The following GFOD1 variants were observed in gnomAD, a reference collection of about 807,000 sequenced individuals.
GFOD1 encodes the protein glucose-fructose oxidoreductase domain-containing protein 1.
GFOD1 carries 9 observed loss-of-function variants against 25.4 expected under a neutral mutation model. That is an observed-to-expected ratio of 0.35 (90% confidence interval 0.21 to 0.62). The LOEUF is 0.62. Ranked by LOEUF, GFOD1 falls within the 20% of genes least tolerant of loss-of-function variation. The pLI is 0.72. For missense variants in GFOD1, 403 were observed against 556.9 expected (o/e 0.72, Z 2.78); for synonymous variants, 253 against 245.6 (o/e 1.03, Z -0.28).
At chr6:13,424,850 A>G (rs1445800844) in intron 1 of GFOD1, among the ~76,000 whole-genome samples, 1 of 152,158 alleles carries the variant, frequency 6.6e-6, no homozygotes, top group Admixed American at 6.5e-5. Context: ...TCATATAAAC[A>G]TTATAATAAT....
intron 1 of GFOD1, among the ~76,000 whole-genome samples, chr6:13,432,886 CAG>C (rs780669030): frequency 2.0e-5 from 3 of 152,186 alleles, no homozygotes; most frequent in Non-Finnish European, 4.4e-5. Context: ...TGACAGAAGA[CAG>C]AGTGTCAATA....
intron 1 of GFOD1, among the ~76,000 whole-genome samples, chr6:13,391,678 G>C (rs1785616743): frequency 6.6e-6 from 1 of 152,176 alleles, no homozygotes; most frequent in Non-Finnish European, 1.5e-5. Context: ...CAGCAGGCGA[G>C]CCAGACCAAG....
At chr6:13,455,383 G>A (rs1758170393) in intron 1 of GFOD1, among the ~76,000 whole-genome samples, 1 of 152,188 alleles carries the variant, frequency 6.6e-6, no homozygotes, top group Admixed American at 6.5e-5. Flanking sequence ...GAAACTGTGG[G>A]GAATGGTCCC....
chr6:13,408,911 C>T (rs1248897115), intron 1 of GFOD1, among the ~76,000 whole-genome samples: 3 of 151,766 alleles, frequency 2.0e-5, no homozygotes, highest in African/African-American at 7.3e-5. Context: ...CATGGTGAAA[C>T]CCCCTCTCTA....
chr6:13,445,304 T>A (rs1757985180), intron 1 of GFOD1, among the ~76,000 whole-genome samples: 1 of 152,222 alleles, frequency 6.6e-6, no homozygotes, highest in African/African-American at 2.4e-5. Flanking sequence ...CATATTTGAT[T>A]ACTAAGGAAA....
intron 1 of GFOD1, among the ~76,000 whole-genome samples, chr6:13,479,050 C>A (rs1758690934): frequency 6.8e-6 from 1 of 147,814 alleles, no homozygotes; most frequent in African/African-American, 2.5e-5. Context: ...GGCTTAGGTA[C>A]CATCCCTTTA....
chr6:13,434,261 G>T (rs1757796220), intron 1 of GFOD1, among the ~76,000 whole-genome samples: 1 of 149,736 alleles, frequency 6.7e-6, no homozygotes, highest in Admixed American at 6.6e-5. Context: ...CAAGTGCAGG[G>T]CCTTATGGGA....
In GFOD1 at chr6:13,486,855, G is replaced by A. The variant is rs80189999; in HGVS notation, c.36C>T (p.Leu12=). The stretch of plus-strand genomic sequence containing the variant: ...GCAGCGGGATGATGACACGGGCCGT[G>A]AGGCTGGTGCCGAACACGCCCACCC... The part of the protein sequence containing the change: ...LPGVGVFGTS[L]TARVIIPLLK... The change falls in exon 1 of 2, where the codon CTC becomes CTT. Residue 12 remains leucine (L), a synonymous_variant. Transcript: ENST00000379287. 1.3e-3 allele frequency: 2,062 copies of A among 1,612,726 alleles called. 54 individuals are homozygous for A. The East Asian group carries it at 0.035, about 27-fold the overall frequency.
intron 1 of GFOD1, among the ~76,000 whole-genome samples, chr6:13,450,342 T>C (rs1045953415): frequency 6.6e-6 from 1 of 152,192 alleles, no homozygotes; most frequent in Non-Finnish European, 1.5e-5. Context: ...GGACTTATCT[T>C]CACTTGCGCT....
At chr6:13,480,150 C>T (rs1348092822) in intron 1 of GFOD1, among the ~76,000 whole-genome samples, 1 of 152,214 alleles carries the variant, frequency 6.6e-6, no homozygotes, top group Non-Finnish European at 1.5e-5. Context: ...TGCTCCAGGT[C>T]CTCAGCTGAT....
intron 1 of GFOD1, among the ~76,000 whole-genome samples, chr6:13,386,937 A>C (rs1384093473): frequency 6.6e-6 from 1 of 152,192 alleles, no homozygotes; most frequent in African/African-American, 2.4e-5. Flanking sequence ...GAAAAATGTT[A>C]AAAAGCATCA....
intron 1 of GFOD1, among the ~76,000 whole-genome samples, chr6:13,438,629 AT>A (rs1430831688): frequency 6.6e-6 from 1 of 152,174 alleles, no homozygotes; most frequent in African/African-American, 2.4e-5. Context: ...CATATATATT[AT>A]TTATATCATC....
At position 13,449,734 on chromosome 6, in the gene GFOD1, A is replaced by G. The variant is rs192090757; in HGVS notation, c.253+36904T>C. Among the ~76,000 whole-genome samples the G allele has an allele frequency of 4.7e-3, 719 of 152,260 alleles. 1 individual carries two copies. Among genetic ancestry groups the G allele is most frequent in the Middle Eastern group, 0.01 (3 of 294 alleles). On this transcript the variant is annotated intron_variant, in intron 1 of 1. Coordinates refer to ENST00000379287, the MANE Select transcript of GFOD1 (RefSeq NM_018988.4). ...TGGCTCTCATTCTCTTTTGCCTGCC[A>G]CCATGTAAGATGTGCCTTTTGCCGT...
rs60733886 is a variant in GFOD1, at chr6:13,363,211, C to CTGTGTGTGTGTGTGTGTG, written c.*1514_*1531dup. ...TTGTCGGTAGCAACCATTCAAAAATCTGTGTGTGTGTGTGTGTGTGTGTGT... is the reference window on the plus strand; with the variant it reads ...TTGTCGGTAGCAACCATTCAAAAATCTGTGTGTGTGTGTGTGTGTGTGTGTGTGTGTGTGTGTGTGTGT... On this transcript the variant is annotated 3_prime_UTR_variant, in exon 2 of 2. Transcript: ENST00000379287. The CTGTGTGTGTGTGTGTGTG allele has an allele frequency of 6.7e-6, 1 of 148,628 alleles. No homozygotes were observed. The allele number at this position is 148,628 out of a possible 1,614,324, so 9.2% of individuals were successfully genotyped here. A position where few individuals can be genotyped will look rare whatever the true frequency, so the allele number is the denominator to read the frequency against.
intron 1 of GFOD1, among the ~76,000 whole-genome samples, chr6:13,438,437 T>G (rs1016206735): frequency 2.0e-5 from 3 of 152,134 alleles, no homozygotes; most frequent in African/African-American, 7.2e-5. Flanking sequence ...CTGTAACCAC[T>G]CAAGAGTAGT....
At chr6:13,375,100 T>C (rs1463870882) in intron 1 of GFOD1, among the ~76,000 whole-genome samples, 2 of 152,194 alleles carry the variant, frequency 1.3e-5, no homozygotes, top group Non-Finnish European at 2.9e-5. Flanking sequence ...ATTCTCCTTA[T>C]AGCTATTTGA....
chr6:13,444,890 T>C (rs2127572732), intron 1 of GFOD1, among the ~76,000 whole-genome samples: 1 of 152,320 alleles, frequency 6.6e-6, no homozygotes, highest in African/African-American at 2.4e-5. Context: ...ACATTGTATA[T>C]GATCGATATA....
chr6:13,397,621 G>C (rs1267567108), intron 1 of GFOD1, among the ~76,000 whole-genome samples: 2 of 152,196 alleles, frequency 1.3e-5, no homozygotes, highest in Non-Finnish European at 2.9e-5. Flanking sequence ...GCCTCCACCT[G>C]CTTCCACTTT....
At chr6:13,429,237 C>T (rs1427390425) in intron 1 of GFOD1, among the ~76,000 whole-genome samples, 1 of 152,340 alleles carries the variant, frequency 6.6e-6, no homozygotes, top group South Asian at 2.1e-4. Flanking sequence ...TAAAGGGAAA[C>T]AGCGCCACAG....
Sources: gnomAD v4.1 joint callset for allele counts (sites outside exome capture counted in the v4.1 genomes callset) on GRCh38, gnomAD v4.1.1 for gene constraint, MANE v1.5 for transcripts, NCBI Gene and HGNC (gene_info 2026-07-23, HGNC 2026-07-21) for gene names.